Variants in CTNND2 observed in about 807,000 individuals in gnomAD.
The protein encoded by CTNND2 is catenin delta 2.
Under a neutral mutation model 144.4 loss-of-function variants are expected in CTNND2, and 22 were observed. The ratio of observed to expected loss-of-function variants is 0.15; its 90% CI spans 0.11 to 0.22. CTNND2 has a LOEUF of 0.22. CTNND2 is among the 10% of genes least tolerant of loss of function. The pLI is 1.00. For missense variants in CTNND2, 1,353 were observed against 1,618.8 expected, an observed-to-expected ratio of 0.84 and a Z score of 2.82; for synonymous variants, 751 against 695.6, an observed-to-expected ratio of 1.08 and a Z score of -1.25.
chr5:11,667,616 C>T (rs1360868298), intron 2 of CTNND2, among the ~76,000 whole-genome samples: 1 of 151,782 alleles, frequency 6.6e-6, no homozygotes, highest in African/African-American at 2.4e-5. Flanking sequence ...GGGGTTGTTT[C>T]TTTACTTCTT....
At chr5:11,331,632 C>T (rs1447962843) in intron 9 of CTNND2, among the ~76,000 whole-genome samples, 1 of 152,126 alleles carries the variant, frequency 6.6e-6, no homozygotes, top group African/African-American at 2.4e-5. Context: ...ACATACCTGA[C>T]TATTTGTACT....
chr5:11,138,464 A>C (rs149872026), intron 12 of CTNND2, among the ~76,000 whole-genome samples: 80 of 152,296 alleles, frequency 5.3e-4, no homozygotes, highest in African/African-American at 1.9e-3. Flanking sequence ...TTCTGCGAGG[A>C]CACGTGTTAA....
intron 3 of CTNND2, among the ~76,000 whole-genome samples, chr5:11,423,556 CTG>C (rs943857479): frequency 6.6e-5 from 10 of 152,198 alleles, no homozygotes; most frequent in Admixed American, 6.5e-4. Context: ...GGAGACCTCT[CTG>C]AGAAAATGGA....
chr5:11,576,552 C>A (rs1777985314), intron 2 of CTNND2, among the ~76,000 whole-genome samples: 1 of 151,880 alleles, frequency 6.6e-6, no homozygotes, highest in South Asian at 2.1e-4. Flanking sequence ...GAACACTGTT[C>A]TGACTTTTCA....
chr5:10,975,460 A>T (rs1015222130), intron 21 of CTNND2, among the ~76,000 whole-genome samples: 1 of 152,070 alleles, frequency 6.6e-6, no homozygotes, highest in Non-Finnish European at 1.5e-5. Flanking sequence ...CCACCCACCA[A>T]TCCATCCATC....
chr5:11,489,860 G>A (rs1275979944), intron 3 of CTNND2, among the ~76,000 whole-genome samples: 1 of 152,154 alleles, frequency 6.6e-6, no homozygotes, highest in South Asian at 2.1e-4. Flanking sequence ...CTTAGTGAAT[G>A]CGTACGAGAT....
At chr5:11,597,746 G>A (rs1362420111) in intron 2 of CTNND2, among the ~76,000 whole-genome samples, 1 of 151,956 alleles carries the variant, frequency 6.6e-6, no homozygotes, top group Non-Finnish European at 1.5e-5. Flanking sequence ...GCTAATTTTT[G>A]TATTATTTGT....
chr5:11,885,092 T>C (rs566254526), intron 1 of CTNND2, among the ~76,000 whole-genome samples: 34 of 152,312 alleles, frequency 2.2e-4, no homozygotes, highest in African/African-American at 7.9e-4. Context: ...TTTACATCTA[T>C]GTTCATCAGA....
chr5:11,602,734 TATAA>T (rs1326623143), intron 2 of CTNND2, among the ~76,000 whole-genome samples: 1 of 146,100 alleles, frequency 6.8e-6, no homozygotes, highest in Non-Finnish European at 1.5e-5. Flanking sequence ...TTATATGTAA[TATAA>T]ATATTATATA....
At chr5:11,647,153 C>G (rs1782398008) in intron 2 of CTNND2, among the ~76,000 whole-genome samples, 1 of 152,130 alleles carries the variant, frequency 6.6e-6, no homozygotes, top group Non-Finnish European at 1.5e-5. Context: ...TGCTCTCTTC[C>G]TCTTTCAGCT....
intron 8 of CTNND2, among the ~76,000 whole-genome samples, chr5:11,353,458 G>A (rs919577726): frequency 7.9e-5 from 12 of 152,190 alleles, no homozygotes; most frequent in African/African-American, 2.4e-4. Flanking sequence ...AATTTAATGT[G>A]ATATAGAGTG....
At chr5:11,036,641 G>A (rs935794747) in intron 16 of CTNND2, among the ~76,000 whole-genome samples, 4 of 151,890 alleles carry the variant, frequency 2.6e-5, no homozygotes, top group African/African-American at 7.3e-5. Flanking sequence ...CACACACCTC[G>A]GCCTCCCAAA....
At chr5:11,679,129 T>G (rs1176036504) in intron 2 of CTNND2, among the ~76,000 whole-genome samples, 1 of 151,878 alleles carries the variant, frequency 6.6e-6, no homozygotes, top group African/African-American at 2.4e-5. Flanking sequence ...CCAATCAGTG[T>G]GATCAGGGAG....
At chr5:11,769,163 T>G (rs1789772821) in intron 1 of CTNND2, among the ~76,000 whole-genome samples, 2 of 152,056 alleles carry the variant, frequency 1.3e-5, no homozygotes. Flanking sequence ...CAGTCCTGGG[T>G]CACTTTCGGG....
intron 14 of CTNND2, among the ~76,000 whole-genome samples, chr5:11,109,379 C>T (rs1360297458): frequency 6.8e-6 from 1 of 146,534 alleles, no homozygotes; most frequent in Non-Finnish European, 1.5e-5. Context: ...ATTATCCCTA[C>T]AGGGATTTTT....
intron 9 of CTNND2, among the ~76,000 whole-genome samples, chr5:11,318,814 T>C (rs1349493134): frequency 6.6e-6 from 1 of 152,064 alleles, no homozygotes; most frequent in Non-Finnish European, 1.5e-5. Context: ...AAAGCTCTTA[T>C]CTGAAATAGA....
At chr5:11,250,491 C>CTCTCTCTATATATATA (rs869141186) in intron 9 of CTNND2, among the ~76,000 whole-genome samples, 53 of 64,090 alleles carry the variant, frequency 8.3e-4, no homozygotes, top group African/African-American at 2.2e-3. Flanking sequence ...CTCTCTCTCT[C>CTCTCTCTATATATATA]TATATATATA....
At chr5:11,521,019 C>T (rs566696186) in intron 3 of CTNND2, among the ~76,000 whole-genome samples, 4 of 152,072 alleles carry the variant, frequency 2.6e-5, no homozygotes, top group South Asian at 2.1e-4. Context: ...CATTGTTTTC[C>T]GATTTTCTAT....
At chr5:11,767,670 T>C (rs1789675107) in intron 1 of CTNND2, among the ~76,000 whole-genome samples, 1 of 152,178 alleles carries the variant, frequency 6.6e-6, no homozygotes, top group Admixed American at 6.5e-5. Flanking sequence ...CAGACTGGCA[T>C]ACGGCACCAT....
Sources: gnomAD v4.1 joint callset for allele counts (sites outside exome capture counted in the v4.1 genomes callset) on GRCh38, gnomAD v4.1.1 for gene constraint, MANE v1.5 for transcripts, NCBI Gene and HGNC (gene_info 2026-07-23, HGNC 2026-07-21) for gene names.